CNOT4: variants seen among roughly 807,000 people sequenced by gnomAD.
CNOT4 encodes the protein CCR4-associated factor 4.
In CNOT4, 8 loss-of-function variants were observed where a neutral mutation model predicts 73.8. The observed-to-expected ratio is 0.11, with a 90% CI of 0.06 to 0.20. The LOEUF (loss-of-function observed/expected upper bound fraction) is 0.20. CNOT4 is among the 10% of genes least tolerant of loss of function. CNOT4 has a pLI of 1.00. For synonymous variants in CNOT4, 293 were observed against 321.1 expected (o/e 0.91, Z 0.94); for missense variants, 564 against 883.4 (o/e 0.64, Z 4.58).
At chr7:135,426,457 G>A (rs1206933585) in intron 2 of CNOT4, among the ~76,000 whole-genome samples, 1 of 151,890 alleles carries the variant, frequency 6.6e-6, no homozygotes, top group East Asian at 1.9e-4. Flanking sequence ...AAAAAAATTA[G>A]CCGGGTGTGG....
Position 135,410,501 on chromosome 7 carries a change from A to G in CNOT4, c.821+14T>C. 6.8e-7 allele frequency: 1 copy of G among 1,463,084 alleles called. No individual in the cohort carries two copies. The highest frequency in any genetic ancestry group is 9.2e-7 in the Non-Finnish European group (1 of 1,090,846). The allele number at this position is 1,463,084 out of a possible 1,614,324, so 90.6% of individuals were successfully genotyped here. A position where few individuals can be genotyped will look rare whatever the true frequency, so the allele number is the denominator to read the frequency against. ...AAGAAGGTAAGATGTCTGACTATCA[A>G]TATCAATACTTACGTATCGTACCTC... is the stretch of plus-strand genomic sequence containing the variant. On this transcript the variant is annotated intron_variant, in intron 7 of 11. Coordinates refer to ENST00000541284, the MANE Select transcript of CNOT4 (RefSeq NM_001190850.2).
At position 135,384,578 on chromosome 7, in the gene CNOT4, C is replaced by G; in HGVS notation, c.1627+9340G>C. The G allele has an allele frequency of 6.9e-6, 5 of 726,386 alleles. No individual in the cohort carries two copies. The South Asian group carries it at 7.2e-5, about 10-fold the overall frequency. 45.0% of individuals were successfully genotyped at this position (726,386 alleles called of 1,614,324 possible). On this transcript the variant is annotated intron_variant, in intron 10 of 11. Transcript: ENST00000541284. ...GGGATTACAGGCGTGAGCCACCGCG[C>G]CTGGCCACCCACCTCTCTTAAGCTA...
Position 135,396,447 on chromosome 7 carries a change from T to C in CNOT4, c.880-564A>G, listed in dbSNP as rs185335755. Among the ~76,000 whole-genome samples, 56 of 152,218 alleles carry C rather than the reference T, an allele frequency of 3.7e-4. No individual in the cohort carries two copies. The Middle Eastern group carries it at 0.014, about 37-fold the overall frequency. On this transcript the variant is annotated intron_variant, in intron 8 of 11. Transcript: ENST00000541284. ...CTCTCTTTTTACAACTTTACTTCTC[T>C]CACTTTACCAAGAAAATAATATTTC...
chr7:135,373,813 C>T (rs559627332), intron 10 of CNOT4, among the ~76,000 whole-genome samples: 9 of 152,204 alleles, frequency 5.9e-5, no homozygotes, highest in African/African-American at 1.9e-4. Flanking sequence ...AACTCCTGAC[C>T]TCGGATGATC....
At chr7:135,490,118 T>C (rs543371215) in intron 1 of CNOT4, among the ~76,000 whole-genome samples, 7 of 152,342 alleles carry the variant, frequency 4.6e-5, no homozygotes, top group South Asian at 2.1e-4. Context: ...AATAAAAATA[T>C]CGTTCATTTT....
intron 10 of CNOT4, chr7:135,388,229 A>C (rs1796220870): frequency 2.0e-6 from 2 of 984,992 alleles, no homozygotes; most frequent in Non-Finnish European, 2.4e-6. Flanking sequence ...AGAACAAAAC[A>C]GTTTCTACAC....
chr7:135,438,223 T>C lies in CNOT4; in HGVS notation c.109A>G (p.Ile37Val), dbSNP rs1247649320. ...ATTCGATGCCAACAAAATCGGCAAA[T>C]CTGGTAGCCACAGGTGCAAGGGAAA... ...NFFPCTCGYQ[I>V]CRFCWHRIRT... The change falls in exon 2 of 12, where the codon ATT becomes GTT. Residue 37 changes from isoleucine to valine, a missense_variant. This residue lies in a region of CNOT4 where 76 missense variants were observed against 208.7 expected (regional missense o/e 0.36). Coordinates refer to ENST00000541284, the MANE Select transcript of CNOT4 (RefSeq NM_001190850.2). 6.2e-7 allele frequency: 1 copy of C among 1,612,680 alleles called. No individual in the cohort carries two copies. The highest frequency in any genetic ancestry group is 1.3e-5 in the African/African-American group (1 of 74,886).
At chr7:135,509,851 C>T (rs983489542) in intron 1 of CNOT4, 38 bp downstream of exon 1, 2 of 393,086 alleles carry the variant, frequency 5.1e-6, no homozygotes, top group Non-Finnish European at 9.0e-6. Context: ...GCCGGTCAGC[C>T]CCGGGTTTCC....
chr7:135,496,000 A>T (rs1803549444), intron 1 of CNOT4, among the ~76,000 whole-genome samples: 1 of 151,906 alleles, frequency 6.6e-6, no homozygotes, highest in Non-Finnish European at 1.5e-5. Flanking sequence ...TAATAAACAG[A>T]CTCTCTTACA....
chr7:135,499,716 G>A (rs931460841), intron 1 of CNOT4, among the ~76,000 whole-genome samples: 1 of 151,996 alleles, frequency 6.6e-6, no homozygotes, highest in Non-Finnish European at 1.5e-5. Flanking sequence ...CAAATACTAA[G>A]GTTCTCCTGT....
rs143332638 is a variant in CNOT4 at position 135,487,110 on chromosome 7, T to C, written c.-93+22779A>G. Among the ~76,000 whole-genome samples the C allele has an allele frequency of 6.3e-4, 96 of 152,246 alleles. 1 individual carries two copies. The East Asian group carries it at 0.018, about 28-fold the overall frequency. On this transcript the variant is annotated intron_variant, in intron 1 of 11. Transcript: ENST00000541284. ...TTTTTCTACCCTAGATATCTTTTGC[T>C]CTCATTGTCCTTGTTTATAAAACCT...
At chr7:135,440,883 C>A (rs1278303372) in intron 1 of CNOT4, among the ~76,000 whole-genome samples, 1 of 150,964 alleles carries the variant, frequency 6.6e-6, no homozygotes, top group Non-Finnish European at 1.5e-5. Flanking sequence ...CATTGCACTC[C>A]AGCCTGGTGA....
At chr7:135,388,297 T>C (rs1796224999) in intron 10 of CNOT4, 2 of 984,878 alleles carry the variant, frequency 2.0e-6, no homozygotes, top group African/African-American at 1.7e-5. Flanking sequence ...GCCAACAATA[T>C]CCTTCTGAGC....
intron 1 of CNOT4, among the ~76,000 whole-genome samples, chr7:135,506,763 G>A (rs1170664172): frequency 9.9e-5 from 15 of 151,746 alleles, no homozygotes; most frequent in African/African-American, 3.4e-4. Context: ...CAGGAGAATC[G>A]CTTGAACCTG....
chr7:135,449,957 A>G (rs910866973), intron 1 of CNOT4, among the ~76,000 whole-genome samples: 1 of 152,134 alleles, frequency 6.6e-6, no homozygotes, highest in Non-Finnish European at 1.5e-5. Flanking sequence ...TGAAATTATA[A>G]AGTATCAATA....
chr7:135,434,632 G>T lies in CNOT4; in HGVS notation c.174+3526C>A, dbSNP rs10248617. 3.5e-3 allele frequency among the ~76,000 whole-genome samples: 530 copies of T among 152,204 alleles called. 4 individuals are homozygous for T. Among genetic ancestry groups the T allele is most frequent in the African/African-American group, 0.012 (501 of 41,530 alleles). ...AATTCATGATCTTATCCAGTCTCGT[G>T]ATGTTATAAATAACACACTATATGC... On this transcript the variant is annotated intron_variant, in intron 2 of 11. Transcript: ENST00000541284.
chr7:135,462,551 C>T (rs760792451), intron 1 of CNOT4, among the ~76,000 whole-genome samples: 10 of 152,200 alleles, frequency 6.6e-5, no homozygotes, highest in African/African-American at 1.9e-4. Flanking sequence ...ACAGGAAACT[C>T]GATTCCTTCC....
intron 1 of CNOT4, among the ~76,000 whole-genome samples, chr7:135,497,165 T>C (rs576462457): frequency 6.6e-6 from 1 of 151,876 alleles, no homozygotes; most frequent in Non-Finnish European, 1.5e-5. Context: ...CCCAGCACTT[T>C]GGGAAGCCGA....
chr7:135,498,552 T>C (rs1364823203), intron 1 of CNOT4, among the ~76,000 whole-genome samples: 1 of 152,164 alleles, frequency 6.6e-6, no homozygotes, highest in East Asian at 1.9e-4. Context: ...TTTTTATGTT[T>C]GTTTGTTTGT....
Sources: gnomAD v4.1 joint callset for allele counts (sites outside exome capture counted in the v4.1 genomes callset) on GRCh38, gnomAD v4.1.1 for gene constraint, gnomAD v4.1.1 regional missense constraint, MANE v1.5 for transcripts, NCBI Gene and HGNC (gene_info 2026-07-23, HGNC 2026-07-21) for gene names.